The following ADGRL3 variants were observed in gnomAD, a reference collection of about 807,000 sequenced individuals.
ADGRL3 encodes calcium-independent alpha-latrotoxin receptor 3.
A neutral mutation model predicts 153.5 loss-of-function variants in ADGRL3; 62 were observed. The observed-to-expected ratio is 0.40, with a 90% CI of 0.33 to 0.50. The LOEUF (loss-of-function observed/expected upper bound fraction) is 0.50. ADGRL3 is among the 20% of genes least tolerant of loss of function. The pLI, the probability that ADGRL3 is intolerant of heterozygous loss-of-function variation, is 0.47. For synonymous variants in ADGRL3, 710 were observed against 672.5 expected (o/e 1.06, Z -0.86); for missense variants, 1,641 against 1,859.4 (o/e 0.88, Z 2.16).
At chr4:61,909,059 AG>A (rs2098709911) in intron 11 of ADGRL3, among the ~76,000 whole-genome samples, 1 of 152,212 alleles carries the variant, frequency 6.6e-6, no homozygotes, top group African/African-American at 2.4e-5. Context: ...TTATACAGTT[AG>A]TAAGAAGATG....
chr4:61,223,713 T>C (rs1746675403), intron 1 of ADGRL3, among the ~76,000 whole-genome samples: 1 of 152,244 alleles, frequency 6.6e-6, no homozygotes, highest in Non-Finnish European at 1.5e-5. Context: ...TGGGTTACCT[T>C]GTCATTCTTA....
rs558938206 is a variant in ADGRL3, at chr4:61,782,561, T to C, written c.1400-31248T>C. Among the ~76,000 whole-genome samples, 11 of 152,278 alleles carry C rather than the reference T, an allele frequency of 7.2e-5. 1 individual carries two copies. In the South Asian group the frequency reaches 1.9e-3, roughly 26 times the overall value. ...AATTATGAGAAAAAATATTTTAGAA[T>C]GCTTTGGCTTTGTGGTTTCAAAAGA... On this transcript the variant is annotated intron_variant, in intron 8 of 26. Coordinates refer to ENST00000683033, the MANE Select transcript of ADGRL3 (RefSeq NM_001387552.1).
At chr4:61,468,177 G>A (rs1345333945) in intron 2 of ADGRL3, among the ~76,000 whole-genome samples, 1 of 152,170 alleles carries the variant, frequency 6.6e-6, no homozygotes, top group African/African-American at 2.4e-5. Flanking sequence ...GTTGCCACTG[G>A]CATAATTTCT....
chr4:61,430,722 G>T (rs562061669), intron 2 of ADGRL3, among the ~76,000 whole-genome samples: 4 of 152,158 alleles, frequency 2.6e-5, no homozygotes, highest in African/African-American at 9.6e-5. Context: ...AGGGAATGGT[G>T]TTTCTCATTG....
At chr4:61,837,161 T>A (rs1459100272) in intron 9 of ADGRL3, among the ~76,000 whole-genome samples, 1 of 152,098 alleles carries the variant, frequency 6.6e-6, no homozygotes, top group African/African-American at 2.4e-5. Flanking sequence ...GTAACTACAT[T>A]TTTTAGAGTT....
intron 9 of ADGRL3, among the ~76,000 whole-genome samples, chr4:61,828,277 C>T (rs2097832271): frequency 6.6e-6 from 1 of 152,070 alleles, no homozygotes; most frequent in African/African-American, 2.4e-5. Flanking sequence ...TTAGATAAAA[C>T]CATCCTAAGA....
chr4:61,331,818 T>C (rs2095578535), intron 1 of ADGRL3, among the ~76,000 whole-genome samples: 1 of 152,038 alleles, frequency 6.6e-6, no homozygotes, highest in African/African-American at 2.4e-5. Flanking sequence ...TATAGTCATT[T>C]TTCTAATATA....
At chr4:61,438,833 G>A (rs1417635786) in intron 2 of ADGRL3, among the ~76,000 whole-genome samples, 3 of 151,148 alleles carry the variant, frequency 2.0e-5, no homozygotes, top group East Asian at 3.9e-4. Context: ...TCAGCTTCCC[G>A]AGTAGCTGAG....
intron 5 of ADGRL3, among the ~76,000 whole-genome samples, chr4:61,639,760 T>C: frequency 6.6e-6 from 1 of 152,212 alleles, no homozygotes; most frequent in East Asian, 1.9e-4. Flanking sequence ...CATTTTTCTC[T>C]TTCAGAAGTA....
intron 21 of ADGRL3, among the ~76,000 whole-genome samples, chr4:62,014,703 T>A (rs1056630902): frequency 6.6e-6 from 1 of 152,174 alleles, no homozygotes; most frequent in Non-Finnish European, 1.5e-5. Flanking sequence ...TGGCTCAAGC[T>A]GTTCAATTTT....
chr4:62,066,154 A>G, intron 25 of ADGRL3, among the ~76,000 whole-genome samples: 1 of 152,104 alleles, frequency 6.6e-6, no homozygotes, highest in East Asian at 1.9e-4. Flanking sequence ...CTGACCAAAA[A>G]TAAATCTTGG....
intron 10 of ADGRL3, among the ~76,000 whole-genome samples, 167 bp downstream of exon 10, chr4:61,893,125 TTC>T (rs964394344): frequency 1.6e-4 from 24 of 150,474 alleles, no homozygotes; most frequent in Non-Finnish European, 1.0e-4. Context: ...CTTTCTCTCT[TTC>T]TCTCTTTCTT....
intron 9 of ADGRL3, among the ~76,000 whole-genome samples, chr4:61,842,332 T>G (rs1403338737): frequency 6.6e-6 from 1 of 152,208 alleles, no homozygotes; most frequent in Admixed American, 6.5e-5. Context: ...TCTACATAGA[T>G]AAGTATATGA....
chr4:61,924,868 T>G (rs1305945887), intron 13 of ADGRL3, among the ~76,000 whole-genome samples: 1 of 152,206 alleles, frequency 6.6e-6, no homozygotes, highest in Non-Finnish European at 1.5e-5. Context: ...CTATTTTCTT[T>G]CATTTCACAC....
chr4:61,621,201 C>G (rs1479644951), intron 5 of ADGRL3, among the ~76,000 whole-genome samples: 1 of 151,582 alleles, frequency 6.6e-6, no homozygotes, highest in Non-Finnish European at 1.5e-5. Context: ...TTTCTTTTTT[C>G]TAGCTTCATT....
intron 3 of ADGRL3, 150 bp downstream of exon 3, chr4:61,497,498 G>A: frequency 2.2e-6 from 1 of 446,894 alleles, no homozygotes; most frequent in Non-Finnish European, 3.8e-6. Flanking sequence ...AACATAATGT[G>A]TATTTCCTTT....
intron 1 of ADGRL3, among the ~76,000 whole-genome samples, chr4:61,204,889 A>T (rs2148737006): frequency 6.6e-6 from 1 of 152,278 alleles, no homozygotes; most frequent in East Asian, 1.9e-4. Context: ...TCAGACTGAG[A>T]GTGCTCCTCA....
At chr4:61,542,509 A>T (rs1231001637) in intron 4 of ADGRL3, among the ~76,000 whole-genome samples, 8 of 152,202 alleles carry the variant, frequency 5.3e-5, no homozygotes, top group Non-Finnish European at 1.0e-4. Flanking sequence ...ACCACTATGA[A>T]GGCTTGCATG....
At chr4:61,744,157 G>A (rs1007135450) in intron 8 of ADGRL3, among the ~76,000 whole-genome samples, 1 of 152,132 alleles carries the variant, frequency 6.6e-6, no homozygotes, top group Non-Finnish European at 1.5e-5. Context: ...GCGAGGCTGG[G>A]GGAGGGGCAC....
Sources: allele counts gnomAD v4.1 joint callset (sites outside exome capture counted in the v4.1 genomes callset), GRCh38; gene constraint gnomAD v4.1.1; transcripts MANE v1.5; gene names NCBI Gene and HGNC (gene_info 2026-07-23, HGNC 2026-07-21).